Variants in ANKAR observed in about 807,000 individuals in gnomAD.
ANKAR encodes the protein ankyrin and armadillo repeat containing.
A neutral mutation model predicts 146.2 loss-of-function variants in ANKAR; 136 were observed. The observed-to-expected ratio is 0.93, with a 90% CI of 0.81 to 1.07. The LOEUF is 1.07. Among genes scored for constraint, ANKAR ranks in the 50% least tolerant of loss-of-function variants. The pLI is 0.00. For synonymous variants in ANKAR, 500 were observed against 575.8 expected (o/e 0.87, Z 1.88); for missense variants, 1,567 against 1,679.9 (o/e 0.93, Z 1.18).
chr2:189,737,932 TTTAC>T, intron 18 of ANKAR, 91 bp downstream of exon 18: 1 of 1,275,382 alleles, frequency 7.8e-7, no homozygotes, highest in Non-Finnish European at 1.0e-6. Flanking sequence ...CAGAAAAACG[TTTAC>T]TTATTTGTAA....
chr2:189,727,523 C>CAAA (rs777516459), intron 12 of ANKAR, among the ~76,000 whole-genome samples: 2,151 of 56,580 alleles, frequency 0.038, 134 homozygotes, highest in Middle Eastern at 0.05. Flanking sequence ...AACCTTGTCT[C>CAAA]AAAAAAAAAA....
chr2:189,693,067 AT>A lies in ANKAR; in HGVS notation c.1204-3del. 1 of 1,416,594 alleles carries A rather than the reference AT, an allele frequency of 7.1e-7. No individual in the cohort carries two copies. The highest frequency in any genetic ancestry group is 1.3e-5 in the South Asian group (1 of 79,238). 87.8% of individuals were successfully genotyped at this position (1,416,594 alleles called of 1,614,324 possible). A position where few individuals can be genotyped will look rare whatever the true frequency, so the allele number is the denominator to read the frequency against. ...ATATGTCTTTAGTAACATAACTCAT[AT>A]TTTAGAAAAATTTAGAAAAAATACG... On this transcript the variant is annotated splice_region_variant and splice_polypyrimidine_tract_variant and intron_variant, in intron 4 of 22. Transcript: ENST00000684021.
intron 19 of ANKAR, 27 bp from the exon 20 acceptor site, chr2:189,741,315 C>T (rs779545454): frequency 1.3e-6 from 2 of 1,518,580 alleles, no homozygotes; most frequent in South Asian, 2.4e-5. Context: ...TTAAATAACA[C>T]AAGCATTTTT....
At chr2:189,703,697 T>C (rs1264437396) in intron 7 of ANKAR, among the ~76,000 whole-genome samples, 3 of 152,132 alleles carry the variant, frequency 2.0e-5, no homozygotes, top group Admixed American at 2.0e-4. Flanking sequence ...TTAAAGTTCA[T>C]TTGGATATTA....
In ANKAR at chr2:189,730,520, C is replaced by A. The variant is rs1357699184; in HGVS notation, c.3219C>A (p.Val1073=). The stretch of plus-strand genomic sequence containing the variant: ...GTGTAGCCCATACAAGCAATCCTGT[C>A]AGTCAACAATTGGTTGTAGATGAAA... ...CIGVAHTSNP[V]SQQLVVDENA... is the part of the protein sequence containing the mutation. Residue 1073 remains valine (V), a synonymous_variant, in exon 16 of 23, where the codon GTC becomes GTA. Transcript: ENST00000684021. 1.2e-6 allele frequency: 2 copies of A among 1,603,748 alleles called. No individual in the cohort carries two copies. Among genetic ancestry groups the A allele is most frequent in the African/African-American group, 1.3e-5 (1 of 74,300 alleles).
Position 189,720,804 on chromosome 2 carries a change from G to A in ANKAR, c.2635+17G>A, listed in dbSNP as rs201435712. On this transcript the variant is annotated intron_variant, in intron 12 of 22. Coordinates refer to ENST00000684021, the MANE Select transcript of ANKAR (RefSeq NM_001378068.1). ...CTGATTCAGGTGAGCTTCTATCTCTGTATTATTTTATAATGACCAGATATA... is the reference window on the plus strand; with the variant it reads ...CTGATTCAGGTGAGCTTCTATCTCTATATTATTTTATAATGACCAGATATA... 1.4e-6 allele frequency: 2 copies of A among 1,439,982 alleles called. No individual in the cohort carries two copies. Among genetic ancestry groups the A allele is most frequent in the Admixed American group, 2.7e-5 (1 of 36,618 alleles). 89.2% of individuals were successfully genotyped at this position (1,439,982 alleles called of 1,614,324 possible).
At position 189,736,721 on chromosome 2, in the gene ANKAR, T is replaced by C. The variant is rs368389541; in HGVS notation, c.3424-962T>C. Among the ~76,000 whole-genome samples, 19 of 152,220 alleles carry C rather than the reference T, an allele frequency of 1.2e-4. No homozygotes were observed. In the East Asian group the frequency reaches 3.7e-3, roughly 29 times the overall value. ...AAATTTCAAGCATCATATAATTTTA[T>C]CTATAAATATTTCAGTATGTACATG... On this transcript the variant is annotated intron_variant, in intron 17 of 22. Coordinates refer to ENST00000684021, the MANE Select transcript of ANKAR (RefSeq NM_001378068.1).
intron 10 of ANKAR, among the ~76,000 whole-genome samples, chr2:189,714,250 GA>G (rs1398067880): frequency 6.6e-6 from 1 of 152,076 alleles, no homozygotes; most frequent in Non-Finnish European, 1.5e-5. Context: ...CTCAGCTCTG[GA>G]CCAAACAGAC....
chr2:189,742,865 G>GACACACACAC (rs58780931), intron 20 of ANKAR, among the ~76,000 whole-genome samples: 34 of 43,028 alleles, frequency 7.9e-4, no homozygotes, highest in African/African-American at 1.7e-3. Flanking sequence ...AGAATTACCT[G>GACACACACAC]ACACACACAC....
At chr2:189,689,342 C>T (rs556731622) in intron 2 of ANKAR, among the ~76,000 whole-genome samples, 185 bp from the exon 3 acceptor site, 4 of 152,260 alleles carry the variant, frequency 2.6e-5, no homozygotes, top group South Asian at 4.1e-4. Flanking sequence ...TTGCCCAAAA[C>T]GGGTCTGTTC....
chr2:189,746,479 CAAAA>C lies in ANKAR; in HGVS notation c.4160_4163del (p.Lys1387ArgfsTer27). On this transcript the variant is annotated frameshift_variant, in exon 23 of 23. Coordinates refer to ENST00000684021, the MANE Select transcript of ANKAR (RefSeq NM_001378068.1). LOFTEE classifies it high-confidence loss of function. The stretch of plus-strand genomic sequence containing the variant: ...AACTTCATGGGACTCTTCAAAGCAA[CAAAA>C]AAGACCAAGGATTCCCATAATATTT... 5.0e-6 allele frequency: 8 copies of C among 1,613,662 alleles called. No homozygotes were observed. The highest frequency in any genetic ancestry group is 5.9e-6 in the Non-Finnish European group (7 of 1,179,826).
intron 18 of ANKAR, among the ~76,000 whole-genome samples, chr2:189,760,832 T>G (rs2106093737): frequency 1.3e-5 from 2 of 152,250 alleles, no homozygotes; most frequent in East Asian, 3.9e-4. Flanking sequence ...CCATTTTCCC[T>G]TGAAAATTAT....
intron 12 of ANKAR, among the ~76,000 whole-genome samples, chr2:189,725,279 T>TACACACACACACACAC (rs10546393): frequency 6.8e-5 from 10 of 146,466 alleles, no homozygotes; most frequent in South Asian, 2.2e-4. Context: ...TATGGATTTA[T>TACACACACACACACAC]ACACACACAC....
intron 15 of ANKAR, among the ~76,000 whole-genome samples, chr2:189,729,559 T>C (rs2042204339): frequency 6.6e-6 from 1 of 152,156 alleles, no homozygotes; most frequent in African/African-American, 2.4e-5. Flanking sequence ...GGCCAGAGAC[T>C]CTGACATAAA....
At position 189,689,753 on chromosome 2, in the gene ANKAR, T is replaced by C. The variant is rs2105796130; in HGVS notation, c.828T>C (p.Asn276=). ...GYWLTNAIKY[N]QDYLDICTYQ... Reference sequence around the variant, plus strand: ...GGCTTACTAATGCTATAAAATATAATCAGGATTATCTTGATATCTGTACCT... The same window carrying C: ...GGCTTACTAATGCTATAAAATATAACCAGGATTATCTTGATATCTGTACCT... Residue 276 remains asparagine (N), a synonymous_variant, in exon 3 of 23, where the codon AAT becomes AAC. Transcript: ENST00000684021. 6.2e-7 allele frequency: 1 copy of C among 1,612,716 alleles called. No homozygotes were observed. Among genetic ancestry groups the C allele is most frequent in the Non-Finnish European group, 8.5e-7 (1 of 1,178,998 alleles).
chr2:189,703,136 T>C (rs2038330600), intron 7 of ANKAR, among the ~76,000 whole-genome samples: 1 of 152,204 alleles, frequency 6.6e-6, no homozygotes, highest in African/African-American at 2.4e-5. Context: ...AAGGTAGTTG[T>C]AGCTGGTGCT....
intron 18 of ANKAR, chr2:189,755,188 A>T (rs565696949): frequency 6.2e-7 from 1 of 1,606,954 alleles, no homozygotes; most frequent in South Asian, 1.1e-5. Context: ...CAAGCATGTC[A>T]CCTGGTGCTA....
chr2:189,718,359 GACACACACACAC>G (rs66795152), intron 10 of ANKAR, among the ~76,000 whole-genome samples: 1 of 151,058 alleles, frequency 6.6e-6, no homozygotes, highest in Non-Finnish European at 1.5e-5. Flanking sequence ...TCTACACACA[GACACACACACAC>G]ACACACACAC....
At chr2:189,698,814 T>G (rs969393538) in intron 7 of ANKAR, among the ~76,000 whole-genome samples, 1 of 152,034 alleles carries the variant, frequency 6.6e-6, no homozygotes, top group African/African-American at 2.4e-5. Flanking sequence ...ACAGGTTGCT[T>G]TTTCTGCAGG....
Sources: allele counts gnomAD v4.1 joint callset (sites outside exome capture counted in the v4.1 genomes callset), GRCh38; gene constraint gnomAD v4.1.1; transcripts MANE v1.5; gene names NCBI Gene and HGNC (gene_info 2026-07-23, HGNC 2026-07-21).